The following ZNF385D variants were observed in gnomAD, a reference collection of about 807,000 sequenced individuals.
ZNF385D encodes the protein zinc finger protein 385D.
A neutral mutation model predicts 35.8 loss-of-function variants in ZNF385D; 15 were observed. The ratio of observed to expected loss-of-function variants is 0.42; its 90% CI spans 0.28 to 0.64. The LOEUF (loss-of-function observed/expected upper bound fraction) is 0.64, where lower values mean the gene tolerates loss of function less well. Ranked by LOEUF, ZNF385D falls within the 30% of genes least tolerant of loss-of-function variation. The pLI is 0.23. For missense variants in ZNF385D, 474 were observed against 494.6 expected, an observed-to-expected ratio of 0.96 and a Z score of 0.39; for synonymous variants, 212 against 186.8, an observed-to-expected ratio of 1.13 and a Z score of -1.10.
chr3:22,090,685 T>A lies in ZNF385D; in HGVS notation c.325+78132A>T, dbSNP rs182548447. Among the ~76,000 whole-genome samples, 111 of 152,150 alleles carry A rather than the reference T, an allele frequency of 7.3e-4. 1 individual carries two copies. The highest frequency in any genetic ancestry group is 6.8e-3 in the Middle Eastern group (2 of 294). On this transcript the variant is annotated intron_variant, in intron 3 of 5. Coordinates refer to the ZNF385D transcript ENST00000494108. ...AAATTCACCATTTCTCATGTGAAATTTAGGGTACCAATTGAAAAAGAATGA... is the reference window on the plus strand; with the variant it reads ...AAATTCACCATTTCTCATGTGAAATATAGGGTACCAATTGAAAAAGAATGA...
At chr3:21,677,373 G>A (rs186614420) in intron 1 of ZNF385D, among the ~76,000 whole-genome samples, 24 of 152,094 alleles carry the variant, frequency 1.6e-4, no homozygotes, top group African/African-American at 5.8e-4. Flanking sequence ...TACAAATCTG[G>A]AGCTTGGCAT....
At chr3:21,697,483 G>C (rs1047522000) in intron 1 of ZNF385D, among the ~76,000 whole-genome samples, 1 of 152,128 alleles carries the variant, frequency 6.6e-6, no homozygotes. Flanking sequence ...AAAGGGTACA[G>C]AATTGTACTG....
chr3:21,543,491 G>T (rs1271251896), intron 3 of ZNF385D, among the ~76,000 whole-genome samples: 1 of 152,148 alleles, frequency 6.6e-6, no homozygotes, highest in Non-Finnish European at 1.5e-5. Flanking sequence ...TTGCGGGGCT[G>T]GGATGCATGG....
At chr3:21,701,664 A>G (rs1559532334) in intron 1 of ZNF385D, among the ~76,000 whole-genome samples, 2 of 152,218 alleles carry the variant, frequency 1.3e-5, no homozygotes, top group African/African-American at 4.8e-5. Context: ...CCTTCTGCCT[A>G]TGAACCTGTA....
At chr3:22,088,483 G>A (rs1403142210) in intron 3 of ZNF385D, among the ~76,000 whole-genome samples, 1 of 152,118 alleles carries the variant, frequency 6.6e-6, no homozygotes, top group African/African-American at 2.4e-5. Flanking sequence ...GATGTGTATG[G>A]ATGAATCTGA....
intron 4 of ZNF385D, among the ~76,000 whole-genome samples, chr3:21,501,807 A>T (rs1446859000): frequency 6.6e-6 from 1 of 152,234 alleles, no homozygotes. Context: ...ACACCCAAAC[A>T]CACAAAGACA....
At chr3:21,780,142 T>C (rs1304593231) in intron 3 of ZNF385D, among the ~76,000 whole-genome samples, 1 of 151,962 alleles carries the variant, frequency 6.6e-6, no homozygotes, top group African/African-American at 2.4e-5. Flanking sequence ...GAGCCAACAA[T>C]AATAGTAGGA....
intron 3 of ZNF385D, among the ~76,000 whole-genome samples, chr3:22,132,017 A>G (rs1703826386): frequency 6.6e-6 from 1 of 152,196 alleles, no homozygotes; most frequent in African/African-American, 2.4e-5. Context: ...GGAGAATTGC[A>G]TTATATAACT....
chr3:21,994,142 T>C (rs1019368931), intron 3 of ZNF385D, among the ~76,000 whole-genome samples: 2 of 152,212 alleles, frequency 1.3e-5, no homozygotes, highest in Non-Finnish European at 2.9e-5. Context: ...TGCAGCAAGC[T>C]AAACAAACCA....
chr3:21,788,110 T>C (rs1392754934), intron 3 of ZNF385D, among the ~76,000 whole-genome samples: 1 of 151,752 alleles, frequency 6.6e-6, no homozygotes. Context: ...AAAATTATGA[T>C]AGGAATAATT....
At chr3:22,221,055 G>A (rs1226678519) in intron 2 of ZNF385D, among the ~76,000 whole-genome samples, 1 of 151,898 alleles carries the variant, frequency 6.6e-6, no homozygotes, top group Non-Finnish European at 1.5e-5. Context: ...GACAGCAATA[G>A]CATATAATCA....
chr3:21,874,132 T>C lies in ZNF385D; in HGVS notation c.326-209104A>G, dbSNP rs189438998. ...CCAACAGCACACAAGGGTTCCATTT[T>C]TTCCATATTCTTGCTATCACTTCTT... On this transcript the variant is annotated intron_variant, in intron 3 of 5. Coordinates refer to the ZNF385D transcript ENST00000494108. 1.1e-3 allele frequency among the ~76,000 whole-genome samples: 170 copies of C among 152,176 alleles called. No individual in the cohort carries two copies. In the South Asian group the frequency reaches 0.011, roughly 10 times the overall value.
chr3:22,095,882 T>G (rs13065074), intron 3 of ZNF385D, among the ~76,000 whole-genome samples: 54,624 of 151,488 alleles, frequency 0.36, 10,582 homozygotes, highest in Non-Finnish European at 0.42. Context: ...TGCTTAAAAA[T>G]TCTTGTATCA....
chr3:22,338,029 C>T (rs373078038), intron 2 of ZNF385D, among the ~76,000 whole-genome samples: 2 of 152,236 alleles, frequency 1.3e-5, no homozygotes, highest in African/African-American at 4.8e-5. Context: ...TTTTCTCATC[C>T]ATAAGTCATT....
intron 4 of ZNF385D, among the ~76,000 whole-genome samples, chr3:21,450,090 T>A (rs1215649757): frequency 6.6e-6 from 1 of 152,154 alleles, no homozygotes; most frequent in East Asian, 1.9e-4. Flanking sequence ...CCTTGTCAAG[T>A]TATTTTTAGC....
Position 21,892,717 on chromosome 3 carries a change from ACTT to A in ZNF385D, c.326-227692_326-227690del, listed in dbSNP as rs199985325. 9.0e-3 allele frequency among the ~76,000 whole-genome samples: 1,363 copies of A among 152,214 alleles called. 13 individuals are homozygous for A. Among genetic ancestry groups the A allele is most frequent in the Non-Finnish European group, 0.013 (913 of 67,994 alleles). ...ATTCACTCTCTCCACCAGTTTTTCT[ACTT>A]CTTTTACCTCAATTGGTCTATAGCC... is the stretch of plus-strand genomic sequence containing the variant. On this transcript the variant is annotated intron_variant, in intron 3 of 5. Coordinates refer to the ZNF385D transcript ENST00000494108.
chr3:21,638,818 T>C (rs1051972924), intron 2 of ZNF385D, among the ~76,000 whole-genome samples: 7 of 152,110 alleles, frequency 4.6e-5, no homozygotes, highest in Admixed American at 2.0e-4. Flanking sequence ...TAGTGAAATA[T>C]AAGCTTGTAC....
At chr3:21,430,915 CT>C (rs996130959) in intron 5 of ZNF385D, 3 of 152,086 alleles carry the variant, frequency 2.0e-5, no homozygotes, top group African/African-American at 7.2e-5. Context: ...AAAAACAGTG[CT>C]TTTGTTTGCA....
intron 3 of ZNF385D, among the ~76,000 whole-genome samples, chr3:21,967,146 C>G (rs73048148): frequency 0.13 from 20,102 of 152,130 alleles, 1,499 homozygotes; most frequent in Non-Finnish European, 0.16. Context: ...AATATATAAT[C>G]TAGATGTGAT....
Sources: gnomAD v4.1 joint callset for allele counts (sites outside exome capture counted in the v4.1 genomes callset) on GRCh38, gnomAD v4.1.1 for gene constraint, MANE v1.5 for transcripts, NCBI Gene and HGNC (gene_info 2026-07-23, HGNC 2026-07-21) for gene names.